MGAT4C: variants seen among roughly 807,000 people sequenced by gnomAD.
MGAT4C encodes MGAT4 family member C.
MGAT4C carries 19 observed loss-of-function variants against 40.1 expected under a neutral mutation model. That is an observed-to-expected ratio of 0.47 (90% CI 0.33 to 0.70). MGAT4C has a LOEUF of 0.70. Ranked by LOEUF, MGAT4C falls within the 30% of genes least tolerant of loss-of-function variation. MGAT4C has a pLI of 0.02. For missense variants in MGAT4C, 491 were observed against 563.2 expected (o/e 0.87, Z 1.30); for synonymous variants, 181 against 187.1 (o/e 0.97, Z 0.27).
rs1888253781 is a variant in MGAT4C at position 86,182,622 on chromosome 12, C to T, written c.-57+73617G>A. 2.0e-5 allele frequency among the ~76,000 whole-genome samples: 3 copies of T among 151,990 alleles called. No homozygotes were observed. The South Asian group carries it at 6.2e-4, about 32-fold the overall frequency. ...ATTCATTTTCTTCCTATTCTCTCTT[C>T]CTATTTAGTTTTCTCCTTTATTTCC... On this transcript the variant is annotated intron_variant, in intron 1 of 4. Transcript: ENST00000611864.
intron 2 of MGAT4C, among the ~76,000 whole-genome samples, chr12:86,445,597 T>G (rs1397669997): frequency 6.6e-6 from 1 of 152,158 alleles, no homozygotes; most frequent in African/African-American, 2.4e-5. Context: ...ATTCGATTGC[T>G]CGACAGCTCT....
chr12:86,529,769 G>C (rs917453308), intron 2 of MGAT4C, among the ~76,000 whole-genome samples: 5 of 151,654 alleles, frequency 3.3e-5, no homozygotes, highest in African/African-American at 1.2e-4. Context: ...ACAATGTCTG[G>C]AATTTTCCTT....
intron 3 of MGAT4C, among the ~76,000 whole-genome samples, chr12:86,379,630 A>G (rs966333619): frequency 6.6e-6 from 1 of 152,126 alleles, no homozygotes; most frequent in African/African-American, 2.4e-5. Context: ...GCAAAGGAAA[A>G]AAACTGTTTA....
chr12:85,970,916 A>G lies in MGAT4C; in HGVS notation c.*8373T>C, dbSNP rs2136658627. The G allele has an allele frequency of 6.6e-6, 1 of 151,242 alleles. No homozygotes were observed. Among genetic ancestry groups the G allele is most frequent in the East Asian group, 1.9e-4 (1 of 5,182 alleles). 9.4% of individuals were successfully genotyped at this position (151,242 alleles called of 1,614,324 possible). A position where few individuals can be genotyped will look rare whatever the true frequency, so the allele number is the denominator to read the frequency against. ...CTAACACATGAGTGGCTAAAATTGC[A>G]AACTTAATCACATAAATAATGAGAT... On this transcript the variant is annotated 3_prime_UTR_variant, in exon 5 of 5. Transcript: ENST00000611864.
intron 1 of MGAT4C, among the ~76,000 whole-genome samples, chr12:86,170,149 C>A (rs1593132543): frequency 6.6e-6 from 1 of 152,248 alleles, no homozygotes; most frequent in Admixed American, 6.5e-5. Context: ...CTAAAGGTTT[C>A]TTATATGAAC....
chr12:86,820,915 T>G (rs1952694206), intron 1 of MGAT4C, among the ~76,000 whole-genome samples: 1 of 150,878 alleles, frequency 6.6e-6, no homozygotes, highest in South Asian at 2.1e-4. Context: ...CCACCCTATT[T>G]AGGGCAATAG....
intron 1 of MGAT4C, among the ~76,000 whole-genome samples, chr12:86,149,310 C>A (rs1362025961): frequency 1.3e-5 from 2 of 152,028 alleles, no homozygotes; most frequent in African/African-American, 2.4e-5. Flanking sequence ...TCTAAATCCT[C>A]ATTTTAAAAT....
chr12:86,466,258 A>G (rs1957681710), intron 2 of MGAT4C, among the ~76,000 whole-genome samples: 1 of 152,080 alleles, frequency 6.6e-6, no homozygotes, highest in Non-Finnish European at 1.5e-5. Context: ...TAGCAGTTTT[A>G]TTGGTAATTG....
At chr12:86,041,922 C>G (rs879777541) in intron 2 of MGAT4C, among the ~76,000 whole-genome samples, 1 of 152,114 alleles carries the variant, frequency 6.6e-6, no homozygotes. Flanking sequence ...GTTGAACCCT[C>G]CTCCTGTTAT....
intron 3 of MGAT4C, among the ~76,000 whole-genome samples, chr12:85,986,116 G>T (rs1209065256): frequency 6.6e-6 from 1 of 152,078 alleles, no homozygotes; most frequent in Non-Finnish European, 1.5e-5. Context: ...TAAATTCTCA[G>T]GAACAAGCTT....
intron 1 of MGAT4C, among the ~76,000 whole-genome samples, chr12:86,145,912 T>A (rs573275404): frequency 4.9e-4 from 74 of 152,004 alleles, no homozygotes; most frequent in African/African-American, 1.7e-3. Context: ...GCATAACAGG[T>A]TTTTACTACT....
intron 1 of MGAT4C, among the ~76,000 whole-genome samples, chr12:86,830,816 C>T (rs1040167144): frequency 6.6e-6 from 1 of 151,798 alleles, no homozygotes; most frequent in Non-Finnish European, 1.5e-5. Context: ...TTACCCTCCT[C>T]CTAAAGAGGA....
chr12:86,298,764 A>G (rs929316001), intron 4 of MGAT4C, among the ~76,000 whole-genome samples: 11 of 152,194 alleles, frequency 7.2e-5, no homozygotes, highest in Admixed American at 1.3e-4. Flanking sequence ...TTATTCTGGA[A>G]GTCAACTAGT....
chr12:86,459,130 T>A (rs1297339047), intron 2 of MGAT4C, among the ~76,000 whole-genome samples: 1 of 152,226 alleles, frequency 6.6e-6, no homozygotes, highest in African/African-American at 2.4e-5. Context: ...ATACAAAATA[T>A]AAGTTTTCAA....
At chr12:86,516,635 A>G (rs1343350919) in intron 2 of MGAT4C, among the ~76,000 whole-genome samples, 3 of 152,170 alleles carry the variant, frequency 2.0e-5, no homozygotes, top group African/African-American at 7.2e-5. Context: ...TATAAAAATT[A>G]TAAAATTTTC....
intron 4 of MGAT4C, among the ~76,000 whole-genome samples, chr12:86,302,294 A>G (rs958090901): frequency 6.6e-6 from 1 of 150,884 alleles, no homozygotes; most frequent in African/African-American, 2.5e-5. Flanking sequence ...AGCAAATTAT[A>G]AATATACCTT....
chr12:86,601,471 C>T (rs1012762866), intron 2 of MGAT4C, among the ~76,000 whole-genome samples: 2 of 152,086 alleles, frequency 1.3e-5, no homozygotes, highest in Non-Finnish European at 2.9e-5. Flanking sequence ...GGACTACTGC[C>T]TGTGGATAGC....
At chr12:86,695,532 G>T (rs932619387) in intron 2 of MGAT4C, among the ~76,000 whole-genome samples, 1 of 152,142 alleles carries the variant, frequency 6.6e-6, no homozygotes, top group South Asian at 2.1e-4. Flanking sequence ...GTCCATCAAC[G>T]TATGAATGAA....
intron 2 of MGAT4C, among the ~76,000 whole-genome samples, chr12:86,458,073 AT>A (rs1392284687): frequency 6.6e-5 from 10 of 152,174 alleles, no homozygotes; most frequent in Non-Finnish European, 1.5e-4. Flanking sequence ...CCAACAGCAA[AT>A]AATACAAAAT....
Sources: allele counts gnomAD v4.1 joint callset (sites outside exome capture counted in the v4.1 genomes callset), GRCh38; gene constraint gnomAD v4.1.1; transcripts MANE v1.5; gene names NCBI Gene and HGNC (gene_info 2026-07-23, HGNC 2026-07-21).